EYA1: variants seen among roughly 807,000 people sequenced by gnomAD.
EYA1 encodes protein phosphatase EYA1.
EYA1 carries 16 observed loss-of-function variants against 82.0 expected under a neutral mutation model. That is an observed-to-expected ratio of 0.20 (90% CI 0.13 to 0.30). The LOEUF (loss-of-function observed/expected upper bound fraction) is 0.30, where lower values mean the gene tolerates loss of function less well. EYA1 is among the 10% of genes least tolerant of loss of function. The pLI, the probability that EYA1 is intolerant of heterozygous loss-of-function variation, is 1.00. For synonymous variants in EYA1, 261 were observed against 264.4 expected (o/e 0.99, Z 0.12); for missense variants, 633 against 730.7 (o/e 0.87, Z 1.54).
At chr8:71,402,400 T>C (rs1830006026) in intron 2 of EYA1, among the ~76,000 whole-genome samples, 1 of 152,142 alleles carries the variant, frequency 6.6e-6, no homozygotes, top group African/African-American at 2.4e-5. Context: ...AAGAATACAC[T>C]TAACATGAAA....
Position 71,322,206 on chromosome 8 carries a change from G to A in EYA1, c.265C>T (p.Pro89Ser), listed in dbSNP as rs1255833754. ...AGAGAAAATACATCTTACTTGGAAG[G>A]GTAAATCTGTGGTGGAGAGAACTGG... is the stretch of plus-strand genomic sequence containing the variant. ...THQFSPPQIY[P>S]SNRPYPHILP... The change falls in exon 5 of 18, where the codon CCT becomes TCT. Residue 89 changes from proline to serine, a missense_variant. Coordinates refer to ENST00000340726, the MANE Select transcript of EYA1 (RefSeq NM_000503.6). 6.2e-7 allele frequency: 1 copy of A among 1,612,732 alleles called. No individual in the cohort carries two copies. Among genetic ancestry groups the A allele is most frequent in the Non-Finnish European group, 8.5e-7 (1 of 1,178,758 alleles).
At chr8:71,263,691 T>C (rs528371826) in intron 11 of EYA1, among the ~76,000 whole-genome samples, 4 of 152,286 alleles carry the variant, frequency 2.6e-5, no homozygotes, top group African/African-American at 9.6e-5. Flanking sequence ...AGCCTTTCTC[T>C]CTAAAGGGAC....
chr8:71,389,767 G>A (rs1157742840), intron 2 of EYA1, among the ~76,000 whole-genome samples: 2 of 152,196 alleles, frequency 1.3e-5, no homozygotes, highest in African/African-American at 2.4e-5. Flanking sequence ...TACTAGCAGA[G>A]TTTTCTTGCT....
intron 12 of EYA1, among the ~76,000 whole-genome samples, chr8:71,218,568 C>T (rs1809494169): frequency 6.6e-6 from 1 of 152,050 alleles, no homozygotes; most frequent in Non-Finnish European, 1.5e-5. Flanking sequence ...GGTCCATAAC[C>T]TCAGATAAGA....
At chr8:71,393,723 CT>C (rs1162085133) in intron 2 of EYA1, among the ~76,000 whole-genome samples, 1 of 151,420 alleles carries the variant, frequency 6.6e-6, no homozygotes, top group Non-Finnish European at 1.5e-5. Context: ...GGCTCCAAGT[CT>C]GCTATTGTGA....
At chr8:71,322,174 T>C in intron 5 of EYA1, 25 bp downstream of exon 5, 1 of 1,582,106 alleles carries the variant, frequency 6.3e-7, no homozygotes, top group Non-Finnish European at 8.7e-7. Flanking sequence ...AAGTTATTTA[T>C]TGATTAAGAG....
upstream of EYA1, chr8:71,362,243 AT>A: frequency 2.1e-6 from 2 of 964,210 alleles, no homozygotes; most frequent in Non-Finnish European, 2.4e-6. Context: ...AAATGCAACA[AT>A]TGAAAGGAGC....
intron 2 of EYA1, among the ~76,000 whole-genome samples, chr8:71,463,623 CTCTCTCT>C (rs1808558277): frequency 4.4e-5 from 5 of 113,082 alleles, no homozygotes; most frequent in Non-Finnish European, 5.0e-5. Flanking sequence ...CTCTCTCTCT[CTCTCTCT>C]CTCCCTCCCT....
At chr8:71,487,820 C>T (rs192068877) in intron 2 of EYA1, among the ~76,000 whole-genome samples, 1 of 152,162 alleles carries the variant, frequency 6.6e-6, no homozygotes, top group Admixed American at 6.5e-5. Flanking sequence ...AAAACAATAC[C>T]AAGAATTGTT....
chr8:71,489,715 T>A (rs529956582), intron 2 of EYA1, among the ~76,000 whole-genome samples: 1 of 152,266 alleles, frequency 6.6e-6, no homozygotes, highest in Non-Finnish European at 1.5e-5. Context: ...ATGAAAGAAC[T>A]CTTGCTCTAG....
chr8:71,267,809 A>T (rs1167227213), intron 11 of EYA1, among the ~76,000 whole-genome samples: 1 of 152,146 alleles, frequency 6.6e-6, no homozygotes, highest in East Asian at 1.9e-4. Context: ...TGGCCTCCCA[A>T]AGTGCTGGGA....
intron 12 of EYA1, among the ~76,000 whole-genome samples, chr8:71,220,972 A>G (rs1309432473): frequency 3.3e-5 from 5 of 152,220 alleles, no homozygotes; most frequent in African/African-American, 1.2e-4. Flanking sequence ...TTACATGGTT[A>G]TGGGGGAAAG....
At chr8:71,483,143 C>A (rs982441825) in intron 2 of EYA1, among the ~76,000 whole-genome samples, 1 of 152,176 alleles carries the variant, frequency 6.6e-6, no homozygotes, top group African/African-American at 2.4e-5. Flanking sequence ...CCACTCCAAC[C>A]CTTCTAATTT....
intron 2 of EYA1, among the ~76,000 whole-genome samples, chr8:71,439,589 T>C (rs11785552): frequency 0.17 from 25,270 of 152,246 alleles, 2,325 homozygotes; most frequent in East Asian, 0.34. Flanking sequence ...CCTCCATAAT[T>C]TCCGCCATTC....
chr8:71,256,881 C>T (rs1586032882), intron 11 of EYA1, among the ~76,000 whole-genome samples: 1 of 152,024 alleles, frequency 6.6e-6, no homozygotes, highest in African/African-American at 2.4e-5. Flanking sequence ...TGCCTCTAAT[C>T]CCAGCTACAT....
At chr8:71,470,615 T>C (rs924440641) in intron 2 of EYA1, among the ~76,000 whole-genome samples, 3 of 152,020 alleles carry the variant, frequency 2.0e-5, no homozygotes, top group African/African-American at 4.8e-5. Context: ...AATGTGACAA[T>C]TGATTCTGTC....
chr8:71,546,558 T>C (rs1815606606), intron 1 of EYA1, among the ~76,000 whole-genome samples: 1 of 151,110 alleles, frequency 6.6e-6, no homozygotes, highest in South Asian at 2.1e-4. Context: ...TAGACTGCAG[T>C]GGCGCAATCT....
intron 2 of EYA1, among the ~76,000 whole-genome samples, chr8:71,480,720 T>C (rs1810074474): frequency 6.6e-6 from 1 of 151,660 alleles, no homozygotes; most frequent in African/African-American, 2.4e-5. Context: ...TATATCTGCA[T>C]GAAAAAAAAA....
At chr8:71,301,646 T>A (rs545871141) in intron 7 of EYA1, among the ~76,000 whole-genome samples, 1 of 152,328 alleles carries the variant, frequency 6.6e-6, no homozygotes, top group East Asian at 1.9e-4. Flanking sequence ...TTGAGGTTTC[T>A]TCATTTGTAT....
Sources: gnomAD v4.1 joint callset for allele counts (sites outside exome capture counted in the v4.1 genomes callset) on GRCh38, gnomAD v4.1.1 for gene constraint, MANE v1.5 for transcripts, NCBI Gene and HGNC (gene_info 2026-07-23, HGNC 2026-07-21) for gene names.